Variants in DAB1 observed in about 807,000 individuals in gnomAD.
DAB1 encodes the protein disabled homolog 1.
A neutral mutation model predicts 64.6 loss-of-function variants in DAB1; 15 were observed. That is an observed-to-expected ratio of 0.23 (90% CI 0.16 to 0.36). The LOEUF is 0.36. DAB1 is among the 10% of genes least tolerant of loss of function. The pLI is 1.00. For missense variants in DAB1, 596 were observed against 706.7 expected, an observed-to-expected ratio of 0.84 and a Z score of 1.78; for synonymous variants, 235 against 251.9, an observed-to-expected ratio of 0.93 and a Z score of 0.64.
intron 2 of DAB1, among the ~76,000 whole-genome samples, chr1:57,157,171 C>T (rs1036804589): frequency 6.6e-6 from 1 of 152,166 alleles, no homozygotes; most frequent in African/African-American, 2.4e-5. Context: ...CTCTCCCACT[C>T]ATCATAGATT....
At chr1:57,596,131 G>A (rs1570658808) in intron 7 of DAB1, among the ~76,000 whole-genome samples, 1 of 152,130 alleles carries the variant, frequency 6.6e-6, no homozygotes, top group African/African-American at 2.4e-5. Context: ...AGGTATCACT[G>A]GGAGGCATAG....
At chr1:58,456,961 T>A (rs1645198088) in intron 3 of DAB1, among the ~76,000 whole-genome samples, 1 of 152,174 alleles carries the variant, frequency 6.6e-6, no homozygotes, top group Non-Finnish European at 1.5e-5. Flanking sequence ...GGTTCTATTA[T>A]TATTATCTCA....
At chr1:57,579,143 C>T (rs993052416) in intron 7 of DAB1, among the ~76,000 whole-genome samples, 1 of 152,186 alleles carries the variant, frequency 6.6e-6, no homozygotes, top group African/African-American at 2.4e-5. Flanking sequence ...ACTGCTGTCA[C>T]CCACATCAGT....
intron 6 of DAB1, among the ~76,000 whole-genome samples, chr1:57,684,924 CA>C (rs955080447): frequency 6.7e-6 from 1 of 150,216 alleles, no homozygotes; most frequent in Non-Finnish European, 1.5e-5. Context: ...AAATGGAAAA[CA>C]AAAAAACAGC....
intron 1 of DAB1, among the ~76,000 whole-genome samples, chr1:57,839,256 C>T (rs576801745): frequency 2.6e-5 from 4 of 152,282 alleles, no homozygotes; most frequent in African/African-American, 7.2e-5. Context: ...CAGACTCCTG[C>T]TCCATCCTTT....
At chr1:57,506,942 G>A (rs973120064) in intron 7 of DAB1, among the ~76,000 whole-genome samples, 1 of 151,736 alleles carries the variant, frequency 6.6e-6, no homozygotes, top group East Asian at 1.9e-4. Flanking sequence ...CCTTTTTCAG[G>A]TCCTCATTAT....
At chr1:57,139,549 ACTCT>A in intron 3 of DAB1, among the ~76,000 whole-genome samples, 1 of 152,054 alleles carries the variant, frequency 6.6e-6, no homozygotes, top group African/African-American at 2.4e-5. Context: ...AGCGGAGGAG[ACTCT>A]CTCCTTCTGG....
chr1:57,174,053 A>T (rs1431658580), intron 2 of DAB1, among the ~76,000 whole-genome samples: 1 of 152,164 alleles, frequency 6.6e-6, no homozygotes, highest in Non-Finnish European at 1.5e-5. Context: ...GCTACATGAA[A>T]TTTGATAAAC....
intron 2 of DAB1, among the ~76,000 whole-genome samples, chr1:57,188,972 A>C (rs890930673): frequency 6.6e-6 from 1 of 152,180 alleles, no homozygotes; most frequent in African/African-American, 2.4e-5. Context: ...CTCAAAAAAA[A>C]GTTCGGTCAT....
intron 6 of DAB1, among the ~76,000 whole-genome samples, chr1:57,789,677 C>T (rs1650503436): frequency 6.6e-6 from 1 of 152,202 alleles, no homozygotes. Flanking sequence ...TCTCCAAATA[C>T]CATCACAACT....
intron 1 of DAB1, among the ~76,000 whole-genome samples, chr1:58,539,469 A>G (rs1216534549): frequency 3.3e-5 from 5 of 152,232 alleles, no homozygotes; most frequent in Non-Finnish European, 5.9e-5. Flanking sequence ...AACGCCTTTC[A>G]GCAAGATAAA....
At chr1:58,168,599 T>C (rs1655992423) in intron 4 of DAB1, among the ~76,000 whole-genome samples, 1 of 152,052 alleles carries the variant, frequency 6.6e-6, no homozygotes, top group South Asian at 2.1e-4. Flanking sequence ...AAAGACATAA[T>C]TTTTGCCCAA....
At chr1:57,252,719 G>A (rs774198214) in intron 2 of DAB1, among the ~76,000 whole-genome samples, 37 of 152,140 alleles carry the variant, frequency 2.4e-4, no homozygotes, top group Non-Finnish European at 4.9e-4. Context: ...CCAGGAAAAC[G>A]GGGGCATGTA....
At chr1:58,293,665 C>T (rs1256850563) in intron 4 of DAB1, among the ~76,000 whole-genome samples, 1 of 152,138 alleles carries the variant, frequency 6.6e-6, no homozygotes, top group South Asian at 2.1e-4. Flanking sequence ...AAGAGAGCAC[C>T]CAGAGCCTGT....
At chr1:57,401,225 A>AT (rs1683217194) in intron 1 of DAB1, among the ~76,000 whole-genome samples, 1 of 152,202 alleles carries the variant, frequency 6.6e-6, no homozygotes, top group Non-Finnish European at 1.5e-5. Flanking sequence ...TTTACATGGT[A>AT]TAAGTATATA....
intron 4 of DAB1, among the ~76,000 whole-genome samples, chr1:58,236,408 T>A (rs1027868905): frequency 3.3e-5 from 5 of 151,990 alleles, no homozygotes; most frequent in Admixed American, 2.0e-4. Flanking sequence ...CGAGTGTCGA[T>A]CGGAAAGACG....
rs191816911 is a variant in DAB1, at chr1:57,749,240, G to A, written n.552-99575C>T. The stretch of plus-strand genomic sequence containing the variant: ...TGATATCCTGTCTTATCCACTACCC[G>A]ACAGCCAGTGAAACTAAGGCTCAGA... On this transcript the variant is annotated intron_variant and non_coding_transcript_variant, in intron 6 of 20. Transcript: ENST00000485760. Among the ~76,000 whole-genome samples, 1,362 of 152,230 alleles carry A rather than the reference G, an allele frequency of 8.9e-3. 12 individuals carry two copies. The highest frequency in any genetic ancestry group is 0.014 in the Non-Finnish European group (919 of 68,008).
chr1:57,682,573 G>A (rs559882911), intron 6 of DAB1, among the ~76,000 whole-genome samples: 8 of 152,062 alleles, frequency 5.3e-5, no homozygotes, highest in South Asian at 2.1e-4. Context: ...CCTGGGAAAG[G>A]AGTGAATAAG....
chr1:57,600,648 G>A (rs1645566392), intron 7 of DAB1, among the ~76,000 whole-genome samples: 1 of 152,112 alleles, frequency 6.6e-6, no homozygotes, highest in African/African-American at 2.4e-5. Flanking sequence ...GTCACTGAAA[G>A]CCAGTGCCTT....
Sources: gnomAD v4.1 joint callset for allele counts (sites outside exome capture counted in the v4.1 genomes callset) on GRCh38, gnomAD v4.1.1 for gene constraint, MANE v1.5 for transcripts, NCBI Gene and HGNC (gene_info 2026-07-23, HGNC 2026-07-21) for gene names.